PDE7B: variants seen among roughly 807,000 people sequenced by gnomAD.
The protein encoded by PDE7B is phosphodiesterase 7B, also known as 3',5'-cyclic-AMP phosphodiesterase 7B.
PDE7B carries 29 observed loss-of-function variants against 56.2 expected under a neutral mutation model. The observed-to-expected ratio is 0.52, with a 90% CI of 0.38 to 0.70. PDE7B has a LOEUF of 0.70. PDE7B is among the 30% of genes least tolerant of loss of function. PDE7B has a pLI of 0.00. For missense variants in PDE7B, 490 were observed against 565.0 expected, an observed-to-expected ratio of 0.87 and a Z score of 1.35; for synonymous variants, 197 against 196.9, an observed-to-expected ratio of 1.00 and a Z score of 0.00.
intron 9 of PDE7B, among the ~76,000 whole-genome samples, chr6:136,176,912 T>G (rs1778986890): frequency 6.6e-6 from 1 of 152,196 alleles, no homozygotes; most frequent in Non-Finnish European, 1.5e-5. Context: ...TCTGCTATAC[T>G]AAGAATATTT....
chr6:135,882,206 C>T (rs1316774000), intron 1 of PDE7B, among the ~76,000 whole-genome samples: 1 of 152,154 alleles, frequency 6.6e-6, no homozygotes, highest in Non-Finnish European at 1.5e-5. Flanking sequence ...TATCCACAGC[C>T]CACCAAATTC....
intron 1 of PDE7B, among the ~76,000 whole-genome samples, chr6:135,867,980 C>A (rs1029485357): frequency 4.0e-5 from 6 of 151,892 alleles, no homozygotes; most frequent in Admixed American, 6.6e-5. Context: ...TCTAAGGAAT[C>A]CACAAATAAA....
rs190958277 is a variant in PDE7B, at chr6:135,914,965, T to C, written c.22-32499T>C. Among the ~76,000 whole-genome samples the C allele has an allele frequency of 4.5e-3, 679 of 151,816 alleles. 8 individuals carry two copies. The highest frequency in any genetic ancestry group is 0.014 in the African/African-American group (600 of 41,478). On this transcript the variant is annotated intron_variant, in intron 1 of 12. Transcript: ENST00000308191. ...ACAATTAGCCAGGTGTGGTGGCAGG[T>C]GCCTTTAATCCCAGCTACTTGGGAG...
chr6:135,901,704 A>G (rs1776003532), intron 1 of PDE7B, among the ~76,000 whole-genome samples: 1 of 152,196 alleles, frequency 6.6e-6, no homozygotes, highest in African/African-American at 2.4e-5. Flanking sequence ...AATTGTGTCC[A>G]CAATCTATTC....
At chr6:136,039,061 G>A (rs1583842330) in intron 2 of PDE7B, among the ~76,000 whole-genome samples, 1 of 152,198 alleles carries the variant, frequency 6.6e-6, no homozygotes, top group Middle Eastern at 3.4e-3. Context: ...TTCTTGACTT[G>A]GTTTCCCCTT....
chr6:135,890,143 G>A (rs927553508), intron 1 of PDE7B, among the ~76,000 whole-genome samples: 5 of 152,040 alleles, frequency 3.3e-5, no homozygotes, highest in African/African-American at 7.3e-5. Context: ...TTTCTACTTC[G>A]TATGATACAT....
At chr6:135,860,632 G>A (rs1330976084) in intron 1 of PDE7B, among the ~76,000 whole-genome samples, 2 of 152,064 alleles carry the variant, frequency 1.3e-5, no homozygotes, top group South Asian at 2.1e-4. Context: ...AGATTAAGGT[G>A]TTTCTAATAT....
chr6:135,886,002 C>T (rs376044828), intron 1 of PDE7B, among the ~76,000 whole-genome samples: 2 of 152,244 alleles, frequency 1.3e-5, no homozygotes, highest in South Asian at 2.1e-4. Flanking sequence ...TTGAGCAAAA[C>T]GTACAACTTG....
intron 7 of PDE7B, 50 bp downstream of exon 7, chr6:136,154,225 A>C (rs374280178): frequency 8.6e-7 from 1 of 1,164,352 alleles, no homozygotes; most frequent in East Asian, 2.4e-5. Flanking sequence ...TGCCAAGGAA[A>C]CTACCTGCTA....
intron 2 of PDE7B, among the ~76,000 whole-genome samples, chr6:136,060,773 G>T (rs531806758): frequency 6.6e-6 from 1 of 152,232 alleles, no homozygotes; most frequent in South Asian, 2.1e-4. Flanking sequence ...TAAATTCAAG[G>T]TTATATCACT....
intron 3 of PDE7B, among the ~76,000 whole-genome samples, chr6:136,113,892 T>C (rs1378255146): frequency 6.6e-6 from 1 of 152,194 alleles, no homozygotes; most frequent in Non-Finnish European, 1.5e-5. Context: ...AATGACTAGG[T>C]TGAGATGTTC....
In PDE7B at chr6:135,872,263, T is replaced by C. The variant is rs184271747; in HGVS notation, c.21+20244T>C. On this transcript the variant is annotated intron_variant, in intron 1 of 12. Coordinates refer to ENST00000308191, the MANE Select transcript of PDE7B (RefSeq NM_018945.4). Reference sequence around the variant, plus strand: ...AATTTCATTATAAACTCTTATTTATTCTCACAGCATCATTCAGTGTACTAA... The same window carrying C: ...AATTTCATTATAAACTCTTATTTATCCTCACAGCATCATTCAGTGTACTAA... Among the ~76,000 whole-genome samples the C allele has an allele frequency of 6.6e-4, 100 of 152,322 alleles. 1 individual carries two copies. The highest frequency in any genetic ancestry group is 2.3e-3 in the African/African-American group (96 of 41,580).
chr6:135,992,210 TA>T (rs11286794), intron 2 of PDE7B, among the ~76,000 whole-genome samples: 63,616 of 142,304 alleles, frequency 0.45, 13,614 homozygotes, highest in Admixed American at 0.55. Flanking sequence ...CCTGATGAGC[TA>T]AAAAAAAAAA....
chr6:135,953,133 TAATATTTTCATCTGTGACAGTAGAGAA>T (rs1198713121), intron 2 of PDE7B, among the ~76,000 whole-genome samples: 4 of 152,190 alleles, frequency 2.6e-5, no homozygotes, highest in Non-Finnish European at 5.9e-5. Context: ...AGCAACAAGA[TAATATTTTCATCTGTGACAGTAGAGAA>T]AAATGTTTTT....
At chr6:135,889,281 A>G (rs79985608) in intron 1 of PDE7B, among the ~76,000 whole-genome samples, 12,063 of 151,468 alleles carry the variant, frequency 0.08, 953 homozygotes, top group African/African-American at 0.21. Context: ...GGCTCTCTAG[A>G]TCCACCATGT....
intron 1 of PDE7B, among the ~76,000 whole-genome samples, chr6:135,934,370 A>AATTTT (rs955354397): frequency 6.6e-6 from 1 of 152,092 alleles, no homozygotes; most frequent in African/African-American, 2.4e-5. Context: ...ATTTAAAACA[A>AATTTT]ATTTTATTTA....
At chr6:136,017,152 T>C (rs1583830424) in intron 2 of PDE7B, among the ~76,000 whole-genome samples, 1 of 152,180 alleles carries the variant, frequency 6.6e-6, no homozygotes, top group African/African-American at 2.4e-5. Context: ...GTCATTTAGA[T>C]TATTAAACAG....
intron 2 of PDE7B, among the ~76,000 whole-genome samples, chr6:136,002,476 C>G (rs1049839330): frequency 6.6e-6 from 1 of 152,018 alleles, no homozygotes. Context: ...CAGAGACACA[C>G]ATAGGATCAA....
chr6:135,918,583 C>T (rs545616829), intron 1 of PDE7B, among the ~76,000 whole-genome samples: 3 of 151,968 alleles, frequency 2.0e-5, no homozygotes, highest in Admixed American at 6.5e-5. Flanking sequence ...CAAAAGACAG[C>T]GTATCCCCTC....
Sources: gnomAD v4.1 joint callset for allele counts (sites outside exome capture counted in the v4.1 genomes callset) on GRCh38, gnomAD v4.1.1 for gene constraint, MANE v1.5 for transcripts, NCBI Gene and HGNC (gene_info 2026-07-23, HGNC 2026-07-21) for gene names.